The following TRIM39 variants were observed in gnomAD, a reference collection of about 807,000 sequenced individuals.
TRIM39 encodes tripartite motif containing 39.
TRIM39 carries 5 observed loss-of-function variants against 53.6 expected under a neutral mutation model. The observed-to-expected ratio is 0.09, with a 90% CI of 0.05 to 0.20. TRIM39 has a LOEUF of 0.20. Ranked by LOEUF, TRIM39 falls within the 10% of genes least tolerant of loss-of-function variation. The pLI is 1.00. For synonymous variants in TRIM39, 196 were observed against 237.6 expected (o/e 0.82, Z 1.61); for missense variants, 310 against 621.0 (o/e 0.50, Z 5.32).
exon 3 of TRIM39, chr6:30,329,752 T>C (rs2057727): frequency 0.26 from 415,947 of 1,612,582 alleles, 58,834 homozygotes; most frequent in East Asian, 0.51. Flanking sequence ...CACTGGACGA[T>C]GCTACACAGG....
intron 1 of TRIM39, 133 bp downstream of exon 1, chr6:30,327,128 C>A (rs1006170524): frequency 6.6e-6 from 1 of 152,516 alleles, no homozygotes; most frequent in Non-Finnish European, 1.5e-5. Context: ...CCGCCCGCCT[C>A]GGGCCCGGGC....
At chr6:30,343,468 C>T (rs1787772508) in exon 8 of TRIM39, 1 of 152,610 alleles carries the variant, frequency 6.6e-6, no homozygotes, top group South Asian at 2.1e-4. Flanking sequence ...TTATAGGGTA[C>T]ATATGTTGTC....
At chr6:30,337,649 A>C (rs1787030978) in intron 5 of TRIM39, among the ~76,000 whole-genome samples, 1 of 152,228 alleles carries the variant, frequency 6.6e-6, no homozygotes, top group Admixed American at 6.5e-5. Flanking sequence ...CAAGGAAAGT[A>C]GATTTAGCAT....
In TRIM39 at chr6:30,330,892, C is replaced by T. The variant is rs530427231; in HGVS notation, c.549+16C>T. On this transcript the variant is annotated intron_variant, in intron 4 of 7. Transcript: ENST00000396551. ...TGAGCTCAAGGTAAAGGCAGGCAAT[C>T]CCATGTAGGCTGCTCTGAAGGGTAT... The T allele has an allele frequency of 1.1e-5, 18 of 1,613,152 alleles. No individual in the cohort carries two copies. The African/African-American group carries it at 2.4e-4, about 22-fold the overall frequency.
chr6:30,339,349 A>C lies in TRIM39; in HGVS notation c.781-559A>C, dbSNP rs140122412. The stretch of plus-strand genomic sequence containing the variant: ...TTTTTAGTAAAGACAGGGTTTCACC[A>C]TGTTGGCTAGGCTGGTCTTGAACTC... On this transcript the variant is annotated intron_variant, in intron 5 of 7. Transcript: ENST00000396551. The surrounding 1 kb of genome is among the most constrained non-coding windows in gnomAD (Gnocchi z 4.2). 5.7e-3 allele frequency among the ~76,000 whole-genome samples: 871 copies of C among 152,168 alleles called. 2 individuals carry two copies. Among genetic ancestry groups the C allele is most frequent in the Middle Eastern group, 0.031 (9 of 294 alleles).
intron 5 of TRIM39, among the ~76,000 whole-genome samples, chr6:30,337,787 CTT>C (rs1362443940): frequency 2.0e-5 from 3 of 152,224 alleles, no homozygotes; most frequent in African/African-American, 7.2e-5. Context: ...CAGGCATTGA[CTT>C]CTCTCGAACT....
chr6:30,340,496 C>G lies in TRIM39; in HGVS notation c.804-9C>G. On this transcript the variant is annotated splice_polypyrimidine_tract_variant and intron_variant, in intron 6 of 7. Transcript: ENST00000396551. ...GCCCTTTCTTCCCCTATCTCCCTAT[C>G]CCTCCTAGATGTGAAAAGGTGAAGA... is the stretch of plus-strand genomic sequence containing the variant. 3 of 1,613,008 alleles carry G rather than the reference C, an allele frequency of 1.9e-6. No individual in the cohort carries two copies. Among genetic ancestry groups the G allele is most frequent in the Non-Finnish European group, 2.5e-6 (3 of 1,179,966 alleles).
intron 7 of TRIM39, among the ~76,000 whole-genome samples, chr6:30,341,207 C>CAA (rs113344801): frequency 8.3e-5 from 6 of 72,532 alleles, no homozygotes; most frequent in Non-Finnish European, 1.8e-4. Context: ...GATTCCATCT[C>CAA]AAAAAAAAAA....
intron 7 of TRIM39, among the ~76,000 whole-genome samples, chr6:30,340,967 G>A (rs955921338): frequency 6.6e-6 from 1 of 152,106 alleles, no homozygotes; most frequent in African/African-American, 2.4e-5. Context: ...TAGCACTTTG[G>A]GAGGCCAAGG....
chr6:30,331,293 A>AC (rs1786139313), intron 4 of TRIM39, among the ~76,000 whole-genome samples: 5 of 51,548 alleles, frequency 9.7e-5, no homozygotes, highest in Non-Finnish European at 8.1e-5. Context: ...AACAAACAAA[A>AC]AAAAAAAGAA....
chr6:30,326,785 CCCT>C (rs1339159484), exon 1 of TRIM39: 3 of 152,988 alleles, frequency 2.0e-5, no homozygotes, highest in Non-Finnish European at 4.4e-5. Context: ...TCATCGCCAG[CCCT>C]CCTCCTCCTT....
intron 7 of TRIM39, among the ~76,000 whole-genome samples, chr6:30,340,896 T>C (rs2127412488): frequency 6.6e-6 from 1 of 152,276 alleles, no homozygotes; most frequent in East Asian, 1.9e-4. Flanking sequence ...GGTTATATAA[T>C]TTACCATGTA....
rs369449440 is a variant in TRIM39 at position 30,328,291 on chromosome 6, AGTC to A, written c.-160-595_-160-593del. Reference sequence around the variant, plus strand: ...TAGACTCGTTGCTCTCTTTTCAAGAAGTCGTTGGCCTGAGCTCAGCAATATTTA... The same window carrying A: ...TAGACTCGTTGCTCTCTTTTCAAGAAGTTGGCCTGAGCTCAGCAATATTTA... On this transcript the variant is annotated intron_variant, in intron 1 of 7. Transcript: ENST00000396551. Among the ~76,000 whole-genome samples, 874 of 152,350 alleles carry A rather than the reference AGTC, an allele frequency of 5.7e-3. 2 individuals are homozygous for A. The highest frequency in any genetic ancestry group is 0.031 in the Middle Eastern group (9 of 294).
At position 30,338,566 on chromosome 6, in the gene TRIM39, T is replaced by C. The variant is rs909036173; in HGVS notation, c.781-1342T>C. Among the ~76,000 whole-genome samples, 3 of 150,292 alleles carry C rather than the reference T, an allele frequency of 2.0e-5. No homozygotes were observed. Among genetic ancestry groups the C allele is most frequent in the Non-Finnish European group, 2.9e-5 (2 of 67,816 alleles). On this transcript the variant is annotated intron_variant, in intron 5 of 7. Transcript: ENST00000396551. This position sits in a 1 kb window ranked among gnomAD's most constrained non-coding sequence, Gnocchi z 4.0. ...CACAGTGCCCCCATAACGATTACAA[T>C]AGTAACATCAAAGATCACTGATCAC...
intron 2 of TRIM39, 21 bp downstream of exon 2, chr6:30,329,062 A>G (rs559703954): frequency 1.5e-5 from 8 of 519,342 alleles, no homozygotes; most frequent in South Asian, 5.2e-5. Flanking sequence ...AGATAGATCA[A>G]TTGGGGGTTG....
intron 6 of TRIM39, 173 bp from the exon 7 acceptor site, chr6:30,340,332 T>C: frequency 6.2e-7 from 1 of 1,612,906 alleles, no homozygotes; most frequent in Non-Finnish European, 8.5e-7. Context: ...ATCATAAGGC[T>C]CTCCTTGGAT....
rs373393880 is a variant in TRIM39 at position 30,338,419 on chromosome 6, G to A, written c.781-1489G>A. 5.7e-3 allele frequency among the ~76,000 whole-genome samples: 873 copies of A among 152,002 alleles called. 2 individuals carry two copies. Among genetic ancestry groups the A allele is most frequent in the Middle Eastern group, 0.031 (9 of 294 alleles). ...TAATTGATATAATTTTAATATCGTT[G>A]TGTCTCGGAATAGGGAGGCCAGAGG... On this transcript the variant is annotated intron_variant, in intron 5 of 7. Coordinates refer to ENST00000396551, the Ensembl canonical transcript of TRIM39. This position sits in a 1 kb window ranked among gnomAD's most constrained non-coding sequence, Gnocchi z 4.0.
At chr6:30,340,908 A>G (rs1301968625) in intron 7 of TRIM39, among the ~76,000 whole-genome samples, 1 of 152,130 alleles carries the variant, frequency 6.6e-6, no homozygotes, top group East Asian at 1.9e-4. Flanking sequence ...TACCATGTAA[A>G]CTTGCATAAC....
exon 2 of TRIM39, chr6:30,328,945 A>C: frequency 4.6e-6 from 1 of 216,344 alleles, no homozygotes. Flanking sequence ...GTCTGGAACT[A>C]TTGGTTCTAA....
Sources: gnomAD v4.1 joint callset for allele counts (sites outside exome capture counted in the v4.1 genomes callset) on GRCh38, gnomAD v4.1.1 for gene constraint, Gnocchi (gnomAD v3.1) non-coding constraint, MANE v1.5 for transcripts, NCBI Gene and HGNC (gene_info 2026-07-23, HGNC 2026-07-21) for gene names.